Variants in NCOR1 observed in about 807,000 individuals in gnomAD.
The protein encoded by NCOR1 is nuclear receptor corepressor 1.
A neutral mutation model predicts 288.1 loss-of-function variants in NCOR1; 63 were observed. The observed-to-expected ratio is 0.22, with a 90% CI of 0.18 to 0.27. The LOEUF (loss-of-function observed/expected upper bound fraction) is 0.27. Among genes scored for constraint, NCOR1 ranks in the 10% least tolerant of loss-of-function variants. NCOR1 has a pLI of 1.00. For synonymous variants in NCOR1, 1,007 were observed against 1,065.9 expected (o/e 0.94, Z 1.08); for missense variants, 2,397 against 3,019.2 (o/e 0.79, Z 4.83).
intron 4 of NCOR1, 128 bp from the exon 5 acceptor site, chr17:16,165,289 T>C (rs796642927): frequency 4.4e-6 from 3 of 679,234 alleles, no homozygotes; most frequent in Non-Finnish European, 7.2e-6. Flanking sequence ...AAACTTTTAG[T>C]AGTAACTTTC....
At chr17:16,128,458 TA>T (rs2075093382) in intron 14 of NCOR1, among the ~76,000 whole-genome samples, 1 of 152,206 alleles carries the variant, frequency 6.6e-6, no homozygotes, top group Non-Finnish European at 1.5e-5. Flanking sequence ...CTCTCTGTGT[TA>T]TCATCTCATC....
At chr17:16,127,202 T>C (rs1568191140) in intron 14 of NCOR1, among the ~76,000 whole-genome samples, 1 of 147,348 alleles carries the variant, frequency 6.8e-6, no homozygotes, top group Non-Finnish European at 1.5e-5. Context: ...TATATACATG[T>C]ATGTATATAT....
rs763210076 is a variant in NCOR1, at chr17:16,031,851, AAGAT to A, written c.*441_*444del. 138 of 233,720 alleles carry A rather than the reference AAGAT, an allele frequency of 5.9e-4. No homozygotes were observed. Among genetic ancestry groups the A allele is most frequent in the East Asian group, 2.9e-3 (47 of 16,378 alleles). 14.5% of individuals were successfully genotyped at this position (233,720 alleles called of 1,614,324 possible). ...GGTTGTTTAGAAGGCTAGGGTTAAA[AAGAT>A]AGATAGACAAAAAGATTTTTAAAAA... is the stretch of plus-strand genomic sequence containing the variant. On this transcript the variant is annotated 3_prime_UTR_variant, in exon 46 of 46. Coordinates refer to ENST00000268712, the MANE Select transcript of NCOR1 (RefSeq NM_006311.4).
intron 6 of NCOR1, among the ~76,000 whole-genome samples, chr17:16,154,310 T>C (rs1568362782): frequency 6.6e-6 from 1 of 152,196 alleles, no homozygotes; most frequent in Non-Finnish European, 1.5e-5. Flanking sequence ...CCCTCATATG[T>C]TCGTAATACA....
intron 4 of NCOR1, among the ~76,000 whole-genome samples, chr17:16,170,765 C>T (rs1019327936): frequency 2.7e-5 from 4 of 150,302 alleles, no homozygotes; most frequent in Non-Finnish European, 3.0e-5. Context: ...AACCAGGACC[C>T]GGGAGGCGGA....
Position 16,123,362 on chromosome 17 carries a change from C to G in NCOR1, c.1635-2093G>C, listed in dbSNP as rs111950264. On this transcript the variant is annotated intron_variant, in intron 15 of 45. Transcript: ENST00000268712. ...TTTACCATCTCTATTTCTACTACCA[C>G]TACACTTACTCAACACCTTAGTACC... 5.8e-4 allele frequency among the ~76,000 whole-genome samples: 89 copies of G among 152,292 alleles called. 1 individual carries two copies. The highest frequency in any genetic ancestry group is 2.1e-3 in the African/African-American group (86 of 41,564).
chr17:16,153,259 T>C, intron 7 of NCOR1, 80 bp downstream of exon 7: 1 of 977,218 alleles, frequency 1.0e-6, no homozygotes, highest in East Asian at 2.4e-5. Flanking sequence ...AATAAATGGA[T>C]CATATTCCAT....
chr17:16,046,344 C>T (rs1388407802), intron 42 of NCOR1, among the ~76,000 whole-genome samples: 2 of 152,180 alleles, frequency 1.3e-5, no homozygotes, highest in African/African-American at 2.4e-5. Flanking sequence ...CACTTCATAA[C>T]TTAACAGTGT....
chr17:16,196,603 A>C (rs2089855533), intron 1 of NCOR1, among the ~76,000 whole-genome samples: 1 of 152,122 alleles, frequency 6.6e-6, no homozygotes, highest in Non-Finnish European at 1.5e-5. Context: ...AGGCGGGTGG[A>C]TCATGAGGTC....
At position 16,034,930 on chromosome 17, in the gene NCOR1, G is replaced by T; in HGVS notation, c.6970C>A (p.Pro2324Thr). The T allele has an allele frequency of 6.2e-7, 1 of 1,613,850 alleles. No homozygotes were observed. Among genetic ancestry groups the T allele is most frequent in the Non-Finnish European group, 8.5e-7 (1 of 1,179,940 alleles). Residue 2324 changes from proline to threonine, a missense_variant, in exon 45 of 46, where the codon CCA becomes ACA. Around this residue, in one of 11 missense-constraint regions of NCOR1, gnomAD observed 1,872 missense variants for 2,187.8 expected, o/e 0.86. Coordinates refer to ENST00000268712, the MANE Select transcript of NCOR1 (RefSeq NM_006311.4). ...CTGTTTGACTTGCTGATCAGCTTTG[G>T]TTTGCAAACTCCTCCTGAAAGTGAA... ...PSPHSGGVCK[P>T]KLISKSNSRK...
At chr17:16,197,041 A>G (rs1039833582) in intron 1 of NCOR1, among the ~76,000 whole-genome samples, 1 of 151,288 alleles carries the variant, frequency 6.6e-6, no homozygotes, top group Non-Finnish European at 1.5e-5. Flanking sequence ...AAACGTATAG[A>G]AAGAACTTTA....
chr17:16,136,825 A>AG (rs374769250), intron 14 of NCOR1, among the ~76,000 whole-genome samples: 70 of 138,958 alleles, frequency 5.0e-4, no homozygotes, highest in Non-Finnish European at 6.3e-4. Flanking sequence ...AAAAAAAAAA[A>AG]AAAGAAAGAA....
At chr17:16,069,407 C>T (rs1256286156) in intron 31 of NCOR1, among the ~76,000 whole-genome samples, 1 of 152,182 alleles carries the variant, frequency 6.6e-6, no homozygotes, top group Admixed American at 6.5e-5. Flanking sequence ...GTACAGCTCA[C>T]AGTGCCCAGC....
At position 16,070,312 on chromosome 17, in the gene NCOR1, G is replaced by A. The variant is rs1326612685; in HGVS notation, c.4366C>T (p.Pro1456Ser). The change falls in exon 31 of 46, where the codon CCC (proline) becomes TCC (serine). Residue 1456 changes from proline to serine, a missense_variant. By Grantham distance (74) the Pro-to-Ser change is moderately conservative. Coordinates refer to ENST00000268712, the MANE Select transcript of NCOR1 (RefSeq NM_006311.4). ...TGCAGTGTGGACCTAAGAACGGAGG[G>A]GCCAGAGCTTACCACTGACGTGTGC... ...SRHTSVVSSG[P>S]SVLRSTLHEA... The A allele has an allele frequency of 5.6e-6, 9 of 1,614,024 alleles. No individual in the cohort carries two copies. The highest frequency in any genetic ancestry group is 2.2e-5 in the East Asian group (1 of 44,880).
intron 1 of NCOR1, among the ~76,000 whole-genome samples, chr17:16,208,204 C>CTCT: frequency 1.6e-5 from 1 of 61,430 alleles, no homozygotes; most frequent in South Asian, 4.1e-4. Flanking sequence ...CCATGCCCAG[C>CTCT]TATTTTTTTT....
intron 1 of NCOR1, chr17:16,198,405 T>TGCCAAAG (rs1387386685): frequency 6.7e-6 from 1 of 148,346 alleles, no homozygotes; most frequent in Admixed American, 6.8e-5. Context: ...CTCATCAATT[T>TGCCAAAG]ATGGTTCTTT....
chr17:16,181,211 ATGTGTGTGTGTGTGTGTGTGTGTG>A (rs61215793), intron 3 of NCOR1, among the ~76,000 whole-genome samples: 6 of 139,498 alleles, frequency 4.3e-5, no homozygotes, highest in Non-Finnish European at 7.7e-5. Flanking sequence ...ATATATATGT[ATGTGTGTGTGTGTGTGTGTGTGTG>A]TGTGTGTGTG....
At chr17:16,199,435 T>C (rs537346899) in intron 1 of NCOR1, among the ~76,000 whole-genome samples, 1 of 152,102 alleles carries the variant, frequency 6.6e-6, no homozygotes, top group East Asian at 1.9e-4. Context: ...AAGTCTTAAA[T>C]GAAAGCTAAA....
At chr17:16,033,811 T>G (rs1443921639) in intron 45 of NCOR1, among the ~76,000 whole-genome samples, 1 of 151,634 alleles carries the variant, frequency 6.6e-6, no homozygotes, top group Non-Finnish European at 1.5e-5. Context: ...TGATGGCTTT[T>G]TTTGTTTTTG....
Sources: allele counts gnomAD v4.1 joint callset (sites outside exome capture counted in the v4.1 genomes callset), GRCh38; gene constraint gnomAD v4.1.1; regional missense constraint gnomAD v4.1.1; transcripts MANE v1.5; gene names NCBI Gene and HGNC (gene_info 2026-07-23, HGNC 2026-07-21).